Variants in DCLRE1C observed in about 807,000 individuals in gnomAD.
DCLRE1C encodes the protein DNA cross-link repair 1C, also known as protein artemis.
Under a neutral mutation model 61.4 loss-of-function variants are expected in DCLRE1C, and 47 were observed. The ratio of observed to expected loss-of-function variants is 0.77; its 90% confidence interval spans 0.61 to 0.98. The LOEUF (loss-of-function observed/expected upper bound fraction) is 0.98. DCLRE1C is among the 50% of genes least tolerant of loss of function. DCLRE1C has a pLI of 0.00. For synonymous variants in DCLRE1C, 337 were observed against 287.6 expected, an observed-to-expected ratio of 1.17 and a Z score of -1.74; for missense variants, 858 against 816.0, an observed-to-expected ratio of 1.05 and a Z score of -0.63.
rs957782961 is a variant in DCLRE1C at position 14,908,245 on chromosome 10, A to G, written c.*163T>C. On this transcript the variant is annotated 3_prime_UTR_variant, in exon 14 of 14. Transcript: ENST00000378278. ...GGCTGGTGTCGAACTCCTGGGCTCA[A>G]GCCATTGCCCACCTCAAAGTGCTGG... 5.1e-6 allele frequency: 3 copies of G among 592,530 alleles called. No individual in the cohort carries two copies. Among genetic ancestry groups the G allele is most frequent in the Non-Finnish European group, 8.8e-6 (3 of 341,828 alleles). 36.7% of individuals were successfully genotyped at this position (592,530 alleles called of 1,614,324 possible). A position where few individuals can be genotyped will look rare whatever the true frequency, so the allele number is the denominator to read the frequency against.
At chr10:14,933,620 G>C (rs1381164001) in intron 8 of DCLRE1C, among the ~76,000 whole-genome samples, 1 of 151,586 alleles carries the variant, frequency 6.6e-6, no homozygotes, top group Non-Finnish European at 1.5e-5. Context: ...CTGGACGACA[G>C]AGCAAGACAG....
chr10:14,908,932 G>A lies in DCLRE1C; in HGVS notation c.1555C>T (p.Pro519Ser). Residue 519 changes from proline to serine, a missense_variant, in exon 14 of 14, where the codon CCA (proline) becomes TCA (serine). Coordinates refer to ENST00000378278, the MANE Select transcript of DCLRE1C (RefSeq NM_001033855.3). ...SSTVAGGSQS[P>S]KLFSDSDGES... ...CCATCAGAGTCACTGAAAAGCTTTG[G>A]TGACTGAGATCCCCCTGCCACTGTG... The A allele has an allele frequency of 6.2e-7, 1 of 1,614,150 alleles. No homozygotes were observed. Among genetic ancestry groups the A allele is most frequent in the Non-Finnish European group, 8.5e-7 (1 of 1,180,024 alleles).
At position 14,912,590 on chromosome 10, in the gene DCLRE1C, A is replaced by C. The variant is rs181640248; in HGVS notation, c.1157-3260T>G. ...CTGTACAATTGAATATTGGTTGGCA[A>C]TAAAAAGGTATGAAATACTGATATA... On this transcript the variant is annotated intron_variant, in intron 13 of 13. Coordinates refer to ENST00000378278, the MANE Select transcript of DCLRE1C (RefSeq NM_001033855.3). Among the ~76,000 whole-genome samples, 32 of 152,384 alleles carry C rather than the reference A, an allele frequency of 2.1e-4. 1 individual carries two copies. The East Asian group carries it at 2.1e-3, about 10-fold the overall frequency.
chr10:14,939,339 G>A (rs1453860322), intron 4 of DCLRE1C, among the ~76,000 whole-genome samples: 1 of 151,826 alleles, frequency 6.6e-6, no homozygotes, highest in Admixed American at 6.6e-5. Flanking sequence ...AGCTACTAGA[G>A]AGGCTGAGGC....
intron 10 of DCLRE1C, 131 bp from the exon 11 acceptor site, chr10:14,927,028 G>A (rs142924192): frequency 1.8e-5 from 13 of 738,534 alleles, no homozygotes; most frequent in African/African-American, 7.0e-5. Context: ...AGCAAGTGTC[G>A]AAATCACCCT....
exon 14 of DCLRE1C, chr10:14,898,988 A>G (rs1298693627): frequency 4.1e-6 from 2 of 491,842 alleles, no homozygotes; most frequent in East Asian, 5.9e-5. Context: ...CATCCTAATT[A>G]TAATGAAAGT....
At chr10:14,950,997 T>TA (rs1842380135) in intron 1 of DCLRE1C, among the ~76,000 whole-genome samples, 1 of 152,156 alleles carries the variant, frequency 6.6e-6, no homozygotes, top group African/African-American at 2.4e-5. Flanking sequence ...TGATGCTTAG[T>TA]AAAGCCCACC....
chr10:14,946,924 G>T (rs574935364), intron 2 of DCLRE1C, among the ~76,000 whole-genome samples: 53 of 152,202 alleles, frequency 3.5e-4, no homozygotes, highest in African/African-American at 1.2e-3. Flanking sequence ...GGCCTAAAGA[G>T]ACTTTTAGAG....
chr10:14,954,385 G>A (rs1025418063), upstream of DCLRE1C: 2 of 361,592 alleles, frequency 5.5e-6, no homozygotes, highest in African/African-American at 4.2e-5. Context: ...CCCAGCCGAC[G>A]AGGTGAGTGG....
chr10:14,917,618 G>A (rs929780658), intron 13 of DCLRE1C, among the ~76,000 whole-genome samples: 3 of 152,178 alleles, frequency 2.0e-5, no homozygotes, highest in Admixed American at 6.5e-5. Context: ...GAGCTCAGGA[G>A]TCCGAGACCA....
intron 11 of DCLRE1C, among the ~76,000 whole-genome samples, chr10:14,924,861 AT>A (rs1297172477): frequency 5.2e-4 from 79 of 152,104 alleles, no homozygotes; most frequent in African/African-American, 1.7e-3. Flanking sequence ...AAATAAATAA[AT>A]AAAAATTAAA....
chr10:14,931,879 C>G (rs531714751), intron 9 of DCLRE1C, among the ~76,000 whole-genome samples: 13 of 151,982 alleles, frequency 8.6e-5, no homozygotes, highest in East Asian at 1.9e-4. Context: ...TCTCTACTTA[C>G]AAAAATTAGC....
rs575671839 is a variant in DCLRE1C at position 14,954,095 on chromosome 10, C to T, written c.-85G>A. 8.1e-6 allele frequency: 13 copies of T among 1,596,910 alleles called. No individual in the cohort carries two copies. In the South Asian group the frequency reaches 1.4e-4, roughly 18 times the overall value. On this transcript the variant is annotated 5_prime_UTR_variant, in exon 1 of 14. Transcript: ENST00000378278. ...TGACCGCGCCGCCACTTCCGGGAAG[C>T]CGCGCGCTGCCTCGCCATTGGGCGG... is the stretch of plus-strand genomic sequence containing the variant.
downstream of DCLRE1C, chr10:14,900,981 A>C (rs1833969294): frequency 1.1e-6 from 1 of 902,446 alleles, no homozygotes; most frequent in Non-Finnish European, 1.6e-6. Flanking sequence ...ATCTTTTTAA[A>C]TGTGCATGCC....
intron 3 of DCLRE1C, 105 bp downstream of exon 3, chr10:14,945,000 G>A: frequency 1.3e-6 from 1 of 792,898 alleles, no homozygotes. Flanking sequence ...TAATTAATGT[G>A]GATAACTGAA....
At chr10:14,909,581 C>T (rs553783981) in intron 13 of DCLRE1C, among the ~76,000 whole-genome samples, 24 of 149,684 alleles carry the variant, frequency 1.6e-4, no homozygotes, top group East Asian at 5.9e-4. Flanking sequence ...CTGATCATTA[C>T]GATCATATGC....
intron 4 of DCLRE1C, among the ~76,000 whole-genome samples, chr10:14,936,986 C>T (rs1231528176): frequency 3.3e-5 from 5 of 152,080 alleles, no homozygotes; most frequent in Admixed American, 6.5e-5. Flanking sequence ...TAAAAAGAAC[C>T]GACACGTGCT....
At chr10:14,910,433 C>T (rs1835063141) in intron 13 of DCLRE1C, among the ~76,000 whole-genome samples, 1 of 152,088 alleles carries the variant, frequency 6.6e-6, no homozygotes, top group Non-Finnish European at 1.5e-5. Context: ...TCAGCCTCTA[C>T]CTCTCAGGCT....
exon 14 of DCLRE1C, chr10:14,898,976 A>G (rs1327511631): frequency 2.1e-6 from 1 of 474,870 alleles, no homozygotes; most frequent in Non-Finnish European, 3.7e-6. Flanking sequence ...TAGCTTTTTG[A>G]ACATCCTAAT....
Sources: allele counts gnomAD v4.1 joint callset (sites outside exome capture counted in the v4.1 genomes callset), GRCh38; gene constraint gnomAD v4.1.1; transcripts MANE v1.5; gene names NCBI Gene and HGNC (gene_info 2026-07-23, HGNC 2026-07-21).